DMD: variants seen among roughly 807,000 people sequenced by gnomAD.
DMD encodes dystrophin, also known as mutant dystrophin.
Under a neutral mutation model 330.1 loss-of-function variants are expected in DMD, and 63 were observed. That is an observed-to-expected ratio of 0.19 (90% CI 0.16 to 0.24). The LOEUF is 0.24. Ranked by LOEUF, DMD falls within the 10% of genes least tolerant of loss-of-function variation. The pLI, the probability that DMD is intolerant of heterozygous loss-of-function variation, is 1.00. For missense variants in DMD, 3,344 were observed against 2,684.1 expected (o/e 1.25, Z -5.43); for synonymous variants, 1,223 against 959.8 (o/e 1.27, Z -5.07).
intron 1 of DMD, among the ~76,000 whole-genome samples, chrX:33,073,427 G>A (rs2094789941): frequency 8.9e-6 from 1 of 112,060 alleles, no homozygotes; most frequent in African/African-American, 3.2e-5. Flanking sequence ...TCACAAAAAT[G>A]TTAAGCAACT....
At chrX:32,297,667 TAAAC>T (rs1287297273) in intron 42 of DMD, among the ~76,000 whole-genome samples, 1 of 111,414 alleles carries the variant, frequency 9.0e-6, no homozygotes, top group Non-Finnish European at 1.9e-5. Context: ...GAGAATAAAG[TAAAC>T]AAATAGAGAA....
At chrX:31,729,873 T>C in intron 51 of DMD, 125 bp from the exon 52 acceptor site, 2 of 542,913 alleles carry the variant, frequency 3.7e-6, no homozygotes, top group East Asian at 6.7e-5. Flanking sequence ...AAGATGTTAC[T>C]GTATAAGGGT....
In DMD at chrX:33,170,935, C is replaced by T. The variant is rs188669620; in HGVS notation, c.31+40347G>A. On this transcript the variant is annotated intron_variant, in intron 1 of 78. Transcript: ENST00000357033. Reference sequence around the variant, plus strand: ...ACCATTTGTTGAAAACACTACTCTTCCTCCACTGAATTTATTTTGAAACTT... The same window carrying T: ...ACCATTTGTTGAAAACACTACTCTTTCTCCACTGAATTTATTTTGAAACTT... Among the ~76,000 whole-genome samples, 55 of 111,788 alleles carry T rather than the reference C, an allele frequency of 4.9e-4. 1 individual carries two copies. The East Asian group carries it at 7.6e-3, about 15-fold the overall frequency.
At chrX:33,242,304 T>G (rs184816271) in intron 1 of DMD, among the ~76,000 whole-genome samples, 1 of 111,430 alleles carries the variant, frequency 9.0e-6, no homozygotes, top group African/African-American at 3.3e-5. Flanking sequence ...TGTATTATTC[T>G]TATGCCTTTG....
At chrX:32,430,331 T>C (rs1264826318) in intron 29 of DMD, among the ~76,000 whole-genome samples, 1 of 111,842 alleles carries the variant, frequency 8.9e-6, no homozygotes, top group Non-Finnish European at 1.9e-5. Context: ...TCTGTTTAAG[T>C]GGTTTATGTC....
chrX:31,515,315 A>C (rs2147278743), intron 55 of DMD, among the ~76,000 whole-genome samples: 1 of 111,706 alleles, frequency 9.0e-6, no homozygotes, highest in Non-Finnish European at 1.9e-5. Flanking sequence ...TTGGTCTCTA[A>C]AATAGGACTC....
intron 2 of DMD, among the ~76,000 whole-genome samples, chrX:32,923,606 C>T (rs946326055): frequency 4.5e-5 from 5 of 110,878 alleles, no homozygotes; most frequent in East Asian, 5.7e-4. Context: ...CTATGCTTTG[C>T]TATAGGTGTT....
intron 43 of DMD, among the ~76,000 whole-genome samples, chrX:32,220,284 G>A (rs2097127872): frequency 8.9e-6 from 1 of 111,747 alleles, no homozygotes; most frequent in Non-Finnish European, 1.9e-5. Context: ...GACTTATGCT[G>A]TCACTTTATA....
intron 42 of DMD, among the ~76,000 whole-genome samples, chrX:32,295,749 C>A (rs868865677): frequency 8.9e-6 from 1 of 111,960 alleles, no homozygotes; most frequent in Admixed American, 9.4e-5. Flanking sequence ...TATGAAGCAA[C>A]CCTTAACTAT....
At chrX:32,508,682 G>T (rs1162013830) in intron 18 of DMD, among the ~76,000 whole-genome samples, 1 of 112,084 alleles carries the variant, frequency 8.9e-6, no homozygotes, top group Admixed American at 9.4e-5. Flanking sequence ...TAGTAAAATG[G>T]GGAGCTAGGA....
At chrX:31,848,104 G>A (rs920525742) in intron 48 of DMD, among the ~76,000 whole-genome samples, 14 of 111,351 alleles carry the variant, frequency 1.3e-4, no homozygotes, top group African/African-American at 4.6e-4. Flanking sequence ...CAAAATTGAC[G>A]TTTCTTAATA....
rs1400438471 is a variant in DMD, at chrX:31,119,892, A to C, written c.*2027T>G. 8.9e-6 allele frequency: 1 copy of C among 112,165 alleles called. No homozygotes were observed. Among genetic ancestry groups the C allele is most frequent in the South Asian group, 3.7e-4 (1 of 2,696 alleles). 9.2% of individuals were successfully genotyped at this position (112,165 alleles called of 1,213,427 possible). On this transcript the variant is annotated 3_prime_UTR_variant, in exon 79 of 79. Transcript: ENST00000357033. ...TATGAAGGAAAAAGAAAGAATTATA[A>C]AGGAAAAAGAAAATAACGCAATGGA...
At chrX:31,622,357 C>T (rs944176235) in intron 55 of DMD, among the ~76,000 whole-genome samples, 2 of 110,060 alleles carry the variant, frequency 1.8e-5, no homozygotes, top group East Asian at 2.9e-4. Context: ...CAAAGTTTTA[C>T]GAACAATATT....
intron 62 of DMD, among the ~76,000 whole-genome samples, chrX:31,295,812 G>C (rs956191697): frequency 8.9e-6 from 1 of 111,961 alleles, no homozygotes; most frequent in African/African-American, 3.3e-5. Flanking sequence ...CCTTATACCA[G>C]CCAAAGAAGA....
intron 1 of DMD, among the ~76,000 whole-genome samples, chrX:33,317,003 TTG>T (rs1172928266): frequency 2.7e-5 from 3 of 111,427 alleles, no homozygotes; most frequent in Admixed American, 9.6e-5. Flanking sequence ...TTTTTTCTTT[TTG>T]TGTTTTTAAT....
intron 4 of DMD, among the ~76,000 whole-genome samples, chrX:32,840,235 C>T (rs914392227): frequency 5.4e-5 from 6 of 111,748 alleles, no homozygotes; most frequent in African/African-American, 1.9e-4. Context: ...TATTTTGGGG[C>T]CTTTTCCCTA....
At position 31,580,265 on chromosome X, in the gene DMD, A is replaced by G. The variant is rs139406417; in HGVS notation, c.8217+47408T>C. On this transcript the variant is annotated intron_variant, in intron 55 of 78. Coordinates refer to ENST00000357033, the MANE Select transcript of DMD (RefSeq NM_004006.3). Reference sequence around the variant, plus strand: ...GGGGAAATAAAACTTGCTTTAGCCAATCGGATATTGCAGGCTTAATGGAAG... The same window carrying G: ...GGGGAAATAAAACTTGCTTTAGCCAGTCGGATATTGCAGGCTTAATGGAAG... Among the ~76,000 whole-genome samples the G allele has an allele frequency of 9.3e-3, 1,038 of 112,152 alleles. 4 individuals carry two copies. The highest frequency in any genetic ancestry group is 0.015 in the South Asian group (40 of 2,687).
intron 34 of DMD, among the ~76,000 whole-genome samples, chrX:32,376,291 G>A (rs917055872): frequency 3.6e-5 from 4 of 111,236 alleles, no homozygotes; most frequent in Admixed American, 9.6e-5. Flanking sequence ...AAATAAATAA[G>A]AATAAACTCT....
At chrX:31,472,376 T>C (rs1018484799) in intron 59 of DMD, among the ~76,000 whole-genome samples, 5 of 112,072 alleles carry the variant, frequency 4.5e-5, no homozygotes, top group Admixed American at 1.9e-4. Context: ...CTCATATAAA[T>C]GGGAAGCATA....
Sources: gnomAD v4.1 joint callset for allele counts (sites outside exome capture counted in the v4.1 genomes callset) on GRCh38, gnomAD v4.1.1 for gene constraint, MANE v1.5 for transcripts, NCBI Gene and HGNC (gene_info 2026-07-23, HGNC 2026-07-21) for gene names.